The following ASB3 variants were observed in gnomAD, a reference collection of about 807,000 sequenced individuals.
The protein encoded by ASB3 is ankyrin repeat and SOCS box containing 3.
ASB3 carries 41 observed loss-of-function variants against 54.5 expected under a neutral mutation model. The observed-to-expected ratio is 0.75, with a 90% confidence interval of 0.59 to 0.98. ASB3 has a LOEUF of 0.98. ASB3 is among the 50% of genes least tolerant of loss of function. ASB3 has a pLI of 0.00. For synonymous variants in ASB3, 266 were observed against 221.2 expected (o/e 1.20, Z -1.80); for missense variants, 733 against 620.0 (o/e 1.18, Z -1.94).
intron 8 of ASB3, among the ~76,000 whole-genome samples, chr2:53,695,064 G>A (rs985598854): frequency 2.0e-5 from 3 of 152,044 alleles, no homozygotes; most frequent in African/African-American, 7.2e-5. Flanking sequence ...AGGGCTTCTA[G>A]TAATTACTAC....
Position 53,753,889 on chromosome 2 carries a change from A to C in ASB3, c.197-2948T>G, listed in dbSNP as rs551002840. ...CTCCTGGCCTCAGGTGATCTGCCCG[A>C]CTTGGCCTCCCAAAGTGCTGAGATT... On this transcript the variant is annotated intron_variant, in intron 2 of 9. Transcript: ENST00000263634. 4.6e-5 allele frequency among the ~76,000 whole-genome samples: 7 copies of C among 151,894 alleles called. No homozygotes were observed. In the South Asian group the frequency reaches 1.0e-3, roughly 23 times the overall value.
intron 1 of ASB3, among the ~76,000 whole-genome samples, chr2:53,785,220 C>T (rs1674877915): frequency 6.6e-6 from 1 of 152,188 alleles, no homozygotes; most frequent in Admixed American, 6.5e-5. Context: ...TTCACATAAC[C>T]TTAGTTTCTT....
intron 8 of ASB3, among the ~76,000 whole-genome samples, chr2:53,695,278 A>C (rs1346465308): frequency 6.6e-6 from 1 of 152,182 alleles, no homozygotes; most frequent in Non-Finnish European, 1.5e-5. Context: ...CCAAATTCTT[A>C]ATTCTCCAAT....
chr2:53,683,994 T>C (rs1668510368), intron 9 of ASB3, among the ~76,000 whole-genome samples: 1 of 152,194 alleles, frequency 6.6e-6, no homozygotes, highest in Admixed American at 6.5e-5. Context: ...TCTAGTAATT[T>C]TGCGTTTGGT....
intron 2 of ASB3, among the ~76,000 whole-genome samples, chr2:53,760,817 T>TTTGTTACG (rs1673102048): frequency 6.6e-6 from 1 of 152,218 alleles, no homozygotes; most frequent in Non-Finnish European, 1.5e-5. Flanking sequence ...TCCCTGTATC[T>TTTGTTACG]TTAACCTCCT....
At chr2:53,737,772 C>A (rs1671725050) in intron 3 of ASB3, among the ~76,000 whole-genome samples, 1 of 145,008 alleles carries the variant, frequency 6.9e-6, no homozygotes, top group Non-Finnish European at 1.5e-5. Flanking sequence ...AAGGGAATTT[C>A]AAAACGAAAA....
At chr2:53,735,925 G>T (rs1671601560) in intron 3 of ASB3, among the ~76,000 whole-genome samples, 1 of 149,758 alleles carries the variant, frequency 6.7e-6, no homozygotes, top group Non-Finnish European at 1.5e-5. Context: ...CTTCACCCCT[G>T]TCCCACACAA....
intron 2 of ASB3, among the ~76,000 whole-genome samples, chr2:53,758,989 G>T (rs1056926798): frequency 4.6e-5 from 7 of 152,138 alleles, no homozygotes; most frequent in African/African-American, 1.4e-4. Context: ...GTTTTACAAG[G>T]GTTAGAACAA....
At position 53,716,550 on chromosome 2, in the gene ASB3, T is replaced by C. The variant is rs1447572934; in HGVS notation, c.782+16A>G. 1.2e-6 allele frequency: 2 copies of C among 1,603,254 alleles called. No homozygotes were observed. Among genetic ancestry groups the C allele is most frequent in the Non-Finnish European group, 1.7e-6 (2 of 1,172,794 alleles). ...TGATTAAGAGACCATGTTTATTTTC[T>C]GTTTTTAACACTTACTTTGTATGGC... On this transcript the variant is annotated intron_variant, in intron 6 of 9. Transcript: ENST00000263634.
chr2:53,728,907 C>A (rs1261272360), intron 4 of ASB3, 60 bp from the exon 5 acceptor site: 86 of 1,493,268 alleles, frequency 5.8e-5, no homozygotes, highest in Non-Finnish European at 7.5e-5. Flanking sequence ...AGGTATCTTT[C>A]TTCTTACTGT....
chr2:53,753,427 C>T (rs181956047), intron 2 of ASB3, among the ~76,000 whole-genome samples: 6 of 152,222 alleles, frequency 3.9e-5, no homozygotes, highest in African/African-American at 1.2e-4. Flanking sequence ...CTAGAATGAA[C>T]CATGTGTTCT....
At chr2:53,755,053 T>C (rs938666122) in intron 2 of ASB3, among the ~76,000 whole-genome samples, 6 of 152,242 alleles carry the variant, frequency 3.9e-5, no homozygotes, top group Non-Finnish European at 8.8e-5. Context: ...CTTTAATCTC[T>C]CCTTACCCTC....
chr2:53,721,398 C>CAAA (rs1195017138), intron 5 of ASB3, among the ~76,000 whole-genome samples: 1,352 of 86,708 alleles, frequency 0.016, 8 homozygotes, highest in Non-Finnish European at 0.021. Context: ...TACTAAACTA[C>CAAA]AAAAAAAAAA....
intron 3 of ASB3, among the ~76,000 whole-genome samples, chr2:53,746,930 G>A (rs979880865): frequency 6.6e-6 from 1 of 151,890 alleles, no homozygotes; most frequent in Admixed American, 6.5e-5. Context: ...TAAATTCACT[G>A]CCACAGAAAC....
At chr2:53,765,623 A>G (rs1052518490) in intron 1 of ASB3, 38 bp from the exon 2 acceptor site, 1 of 1,611,618 alleles carries the variant, frequency 6.2e-7, no homozygotes, top group African/African-American at 1.3e-5. Context: ...TATAGTCAAT[A>G]AAACAACACT....
At chr2:53,703,150 C>T (rs1669583532) in intron 7 of ASB3, among the ~76,000 whole-genome samples, 1 of 152,220 alleles carries the variant, frequency 6.6e-6, no homozygotes, top group Non-Finnish European at 1.5e-5. Context: ...AGTCCTAAAA[C>T]TTCTCAACTT....
intron 2 of ASB3, among the ~76,000 whole-genome samples, chr2:53,761,582 G>C (rs1673149892): frequency 6.6e-6 from 1 of 152,200 alleles, no homozygotes; most frequent in African/African-American, 2.4e-5. Context: ...TTTGGCCTCA[G>C]ACTGAGAGTT....
At chr2:53,771,428 G>C (rs114914319) in intron 1 of ASB3, among the ~76,000 whole-genome samples, 2,300 of 152,206 alleles carry the variant, frequency 0.015, 21 homozygotes, top group South Asian at 0.035. Context: ...TGAGAGAATT[G>C]CTTGAGCCCG....
chr2:53,681,644 C>A lies in ASB3; in HGVS notation c.1370-10954G>T, dbSNP rs556999526. Among the ~76,000 whole-genome samples the A allele has an allele frequency of 1.1e-4, 16 of 152,206 alleles. 1 individual carries two copies. In the South Asian group the frequency reaches 3.3e-3, roughly 32 times the overall value. ...CTTTCCCCAATGTATGTTCTTGGCACCTTTGTTGAAAATGAGTTCACTGTA... is the reference window on the plus strand; with the variant it reads ...CTTTCCCCAATGTATGTTCTTGGCAACTTTGTTGAAAATGAGTTCACTGTA... On this transcript the variant is annotated intron_variant, in intron 9 of 9. Transcript: ENST00000263634.
Sources: gnomAD v4.1 joint callset for allele counts (sites outside exome capture counted in the v4.1 genomes callset) on GRCh38, gnomAD v4.1.1 for gene constraint, MANE v1.5 for transcripts, NCBI Gene and HGNC (gene_info 2026-07-23, HGNC 2026-07-21) for gene names.